Variants in GRIN2B observed in about 807,000 individuals in gnomAD.
The protein encoded by GRIN2B is glutamate ionotropic receptor NMDA type subunit 2B, also known as glutamate receptor ionotropic, NMDA 2B.
A neutral mutation model predicts 114.5 loss-of-function variants in GRIN2B; 5 were observed. The observed-to-expected ratio is 0.04, with a 90% CI of 0.02 to 0.09. The LOEUF (loss-of-function observed/expected upper bound fraction) is 0.09, where lower values mean the gene tolerates loss of function less well. GRIN2B is among the 10% of genes least tolerant of loss of function. The pLI, the probability that GRIN2B is intolerant of heterozygous loss-of-function variation, is 1.00. For synonymous variants in GRIN2B, 787 were observed against 745.1 expected, an observed-to-expected ratio of 1.06 and a Z score of -0.92; for missense variants, 1,108 against 1,943.5, an observed-to-expected ratio of 0.57 and a Z score of 8.08.
At chr12:13,959,764 TTTTTC>T (rs1433153368) in intron 2 of GRIN2B, among the ~76,000 whole-genome samples, 1 of 75,082 alleles carries the variant, frequency 1.3e-5, no homozygotes, top group Non-Finnish European at 2.5e-5. Context: ...TCTTTTTTTC[TTTTTC>T]TTTTTTTTTT....
At chr12:13,597,285 C>T (rs1591630440) in intron 10 of GRIN2B, among the ~76,000 whole-genome samples, 1 of 152,124 alleles carries the variant, frequency 6.6e-6, no homozygotes, top group South Asian at 2.1e-4. Context: ...ACTGACTTCC[C>T]AAAGCTGGAT....
At chr12:13,770,421 G>A (rs1393648156) in intron 3 of GRIN2B, among the ~76,000 whole-genome samples, 4 of 152,184 alleles carry the variant, frequency 2.6e-5, no homozygotes, top group African/African-American at 9.6e-5. Flanking sequence ...ATCAGAATAA[G>A]ACAAGGTAAG....
At chr12:13,578,317 A>G (rs956000658) in intron 10 of GRIN2B, among the ~76,000 whole-genome samples, 5 of 152,188 alleles carry the variant, frequency 3.3e-5, no homozygotes, top group Non-Finnish European at 5.9e-5. Context: ...ACATTGTGGG[A>G]TTGCTGAGAC....
At chr12:13,626,388 TG>T (rs1239847659) in intron 5 of GRIN2B, among the ~76,000 whole-genome samples, 5 of 152,322 alleles carry the variant, frequency 3.3e-5, no homozygotes, top group Admixed American at 2.0e-4. Context: ...TTTTGGGAAC[TG>T]GGCCACAGGC....
chr12:13,897,985 TATA>T (rs1866380032), intron 2 of GRIN2B, among the ~76,000 whole-genome samples: 1 of 137,764 alleles, frequency 7.3e-6, no homozygotes, highest in Non-Finnish European at 1.5e-5. Flanking sequence ...AAACTTAAAG[TATA>T]ATAATAAATA....
At chr12:13,793,795 T>A (rs1019218111) in intron 3 of GRIN2B, among the ~76,000 whole-genome samples, 1 of 152,164 alleles carries the variant, frequency 6.6e-6, no homozygotes, top group African/African-American at 2.4e-5. Flanking sequence ...TCTTAGCCTC[T>A]GAGCACAATC....
chr12:13,572,517 T>C (rs1948720099), intron 10 of GRIN2B, among the ~76,000 whole-genome samples: 1 of 152,190 alleles, frequency 6.6e-6, no homozygotes, highest in Non-Finnish European at 1.5e-5. Context: ...AAGCTCATAT[T>C]TATCCCACAT....
At chr12:13,949,474 G>A (rs1479970564) in intron 2 of GRIN2B, among the ~76,000 whole-genome samples, 3 of 152,040 alleles carry the variant, frequency 2.0e-5, no homozygotes, top group Non-Finnish European at 4.4e-5. Flanking sequence ...GGGACCACAG[G>A]GCCTCCTGGA....
At chr12:13,927,241 A>C (rs1866933953) in intron 2 of GRIN2B, among the ~76,000 whole-genome samples, 2 of 152,184 alleles carry the variant, frequency 1.3e-5, no homozygotes, top group East Asian at 3.8e-4. Context: ...AATTCTTTTA[A>C]AACAGGGCAT....
chr12:13,786,818 C>T (rs987147611), intron 3 of GRIN2B, among the ~76,000 whole-genome samples: 1 of 152,168 alleles, frequency 6.6e-6, no homozygotes, highest in Non-Finnish European at 1.5e-5. Flanking sequence ...CTGTTGTCCA[C>T]TCCCTTTCTT....
chr12:13,554,755 G>A lies in GRIN2B; in HGVS notation c.*8028C>T, dbSNP rs1368646201. ...AGGGTCTGAATGAAAAGGAAAGACT[G>A]GAAACCTTAGGGGGAAGAATTAGTA... On this transcript the variant is annotated 3_prime_UTR_variant, in exon 14 of 14. Transcript: ENST00000609686. The A allele has an allele frequency of 2.0e-5, 3 of 152,152 alleles. No individual in the cohort carries two copies. Among genetic ancestry groups the A allele is most frequent in the Non-Finnish European group, 4.4e-5 (3 of 68,018 alleles). 9.4% of individuals were successfully genotyped at this position (152,152 alleles called of 1,614,324 possible). A position where few individuals can be genotyped will look rare whatever the true frequency, so the allele number is the denominator to read the frequency against.
At chr12:13,729,987 T>C (rs1863058476) in intron 4 of GRIN2B, among the ~76,000 whole-genome samples, 1 of 151,366 alleles carries the variant, frequency 6.6e-6, no homozygotes, top group African/African-American at 2.4e-5. Context: ...ACACCTATTT[T>C]TTTTTTTTTT....
intron 5 of GRIN2B, among the ~76,000 whole-genome samples, chr12:13,655,127 G>A (rs1230549140): frequency 6.6e-6 from 1 of 152,064 alleles, no homozygotes; most frequent in Non-Finnish European, 1.5e-5. Context: ...ACTTAGTAGG[G>A]TGGTAGTTGC....
intron 4 of GRIN2B, among the ~76,000 whole-genome samples, chr12:13,697,969 T>C (rs896930484): frequency 6.6e-6 from 1 of 152,200 alleles, no homozygotes; most frequent in Admixed American, 6.5e-5. Flanking sequence ...GAATGATAAA[T>C]AGACCCCACC....
chr12:13,968,388 G>A (rs2136868913), intron 2 of GRIN2B, among the ~76,000 whole-genome samples: 1 of 152,196 alleles, frequency 6.6e-6, no homozygotes, highest in South Asian at 2.1e-4. Flanking sequence ...CTTTACAGGG[G>A]TCAACACGAT....
chr12:13,592,383 C>T (rs530580405), intron 10 of GRIN2B, among the ~76,000 whole-genome samples: 1 of 152,282 alleles, frequency 6.6e-6, no homozygotes, highest in South Asian at 2.1e-4. Flanking sequence ...GTAGCCTTTC[C>T]AGCATGACCC....
chr12:13,620,286 G>C (rs1263551214), intron 5 of GRIN2B, among the ~76,000 whole-genome samples: 1 of 152,188 alleles, frequency 6.6e-6, no homozygotes, highest in African/African-American at 2.4e-5. Context: ...CAATTGTCTA[G>C]CACAGTTCTC....
chr12:13,862,997 T>C (rs1865773043), intron 3 of GRIN2B, among the ~76,000 whole-genome samples: 1 of 151,910 alleles, frequency 6.6e-6, no homozygotes, highest in Non-Finnish European at 1.5e-5. Flanking sequence ...AGGTCAAAAG[T>C]CAGATATTTA....
intron 2 of GRIN2B, among the ~76,000 whole-genome samples, chr12:13,895,661 T>G (rs1235244798): frequency 6.6e-6 from 1 of 152,230 alleles, no homozygotes; most frequent in Non-Finnish European, 1.5e-5. Flanking sequence ...TTACTGTTCT[T>G]GTACAACATT....
Sources: allele counts gnomAD v4.1 joint callset (sites outside exome capture counted in the v4.1 genomes callset), GRCh38; gene constraint gnomAD v4.1.1; transcripts MANE v1.5; gene names NCBI Gene and HGNC (gene_info 2026-07-23, HGNC 2026-07-21).